Variants in CCDC7 observed in about 807,000 individuals in gnomAD.
The protein encoded by CCDC7 is coiled-coil domain-containing protein 7.
In CCDC7, 183 loss-of-function variants were observed where a neutral mutation model predicts 196.9. The observed-to-expected ratio is 0.93, with a 90% CI of 0.82 to 1.05. The LOEUF is 1.05. Among genes scored for constraint, CCDC7 ranks in the 50% least tolerant of loss-of-function variants. The pLI, the probability that CCDC7 is intolerant of heterozygous loss-of-function variation, is 0.00. For missense variants in CCDC7, 1,540 were observed against 1,482.2 expected, an observed-to-expected ratio of 1.04 and a Z score of -0.64; for synonymous variants, 525 against 484.6, an observed-to-expected ratio of 1.08 and a Z score of -1.10.
chr10:32,544,026 A>G (rs2051980187), intron 12 of CCDC7, among the ~76,000 whole-genome samples: 1 of 152,084 alleles, frequency 6.6e-6, no homozygotes, highest in East Asian at 1.9e-4. Flanking sequence ...TTTGACTATC[A>G]GTCTTTTCAC....
intron 29 of CCDC7, among the ~76,000 whole-genome samples, chr10:32,784,029 T>A (rs2081430613): frequency 6.6e-6 from 1 of 152,124 alleles, no homozygotes; most frequent in South Asian, 2.1e-4. Flanking sequence ...AGAGTTTGAG[T>A]TTAGAAAGGT....
At chr10:32,704,427 G>A (rs2141653826) in intron 24 of CCDC7, among the ~76,000 whole-genome samples, 1 of 152,210 alleles carries the variant, frequency 6.6e-6, no homozygotes, top group African/African-American at 2.4e-5. Flanking sequence ...CTACTGGGGG[G>A]TGCCTCCCAT....
intron 9 of CCDC7, among the ~76,000 whole-genome samples, chr10:32,510,672 C>T (rs537828403): frequency 2.0e-5 from 3 of 151,890 alleles, no homozygotes; most frequent in Non-Finnish European, 4.4e-5. Flanking sequence ...GTCATCATGC[C>T]AAAATTCATC....
At chr10:32,808,288 A>G (rs1380284996) in intron 30 of CCDC7, among the ~76,000 whole-genome samples, 1 of 152,082 alleles carries the variant, frequency 6.6e-6, no homozygotes, top group East Asian at 1.9e-4. Context: ...TTGCCCCATC[A>G]GTTGCCCTGA....
At chr10:32,791,251 A>C (rs1565513551) in intron 29 of CCDC7, among the ~76,000 whole-genome samples, 1 of 152,076 alleles carries the variant, frequency 6.6e-6, no homozygotes, top group Non-Finnish European at 1.5e-5. Context: ...TCTTTTTCAA[A>C]AAAAAAAGCC....
chr10:32,488,706 G>A (rs1276489217), intron 8 of CCDC7, among the ~76,000 whole-genome samples: 1 of 152,148 alleles, frequency 6.6e-6, no homozygotes, highest in Non-Finnish European at 1.5e-5. Flanking sequence ...TTTTGTTCGT[G>A]TATTGTTTTT....
chr10:32,506,150 C>T (rs1483249759), intron 9 of CCDC7, among the ~76,000 whole-genome samples: 7 of 142,386 alleles, frequency 4.9e-5, no homozygotes, highest in Non-Finnish European at 7.6e-5. Flanking sequence ...TCGGGGCAGC[C>T]GGGCAGAGGC....
intron 28 of CCDC7, among the ~76,000 whole-genome samples, chr10:32,757,774 G>C (rs1056330829): frequency 1.3e-5 from 2 of 152,104 alleles, no homozygotes; most frequent in Non-Finnish European, 2.9e-5. Flanking sequence ...GAAGGAGATA[G>C]AGACAGAAAA....
intron 5 of CCDC7, among the ~76,000 whole-genome samples, chr10:32,467,546 A>G (rs2037094190): frequency 6.6e-6 from 1 of 151,800 alleles, no homozygotes; most frequent in Non-Finnish European, 1.5e-5. Flanking sequence ...TTGCCTGTTT[A>G]CTCTGTTGGT....
At chr10:32,807,265 A>G (rs537390580) in intron 30 of CCDC7, among the ~76,000 whole-genome samples, 105 of 152,308 alleles carry the variant, frequency 6.9e-4, no homozygotes, top group African/African-American at 2.4e-3. Context: ...CTCTTAATTG[A>G]TATAAAATGC....
At chr10:32,751,495 G>A (rs2075649103) in intron 28 of CCDC7, among the ~76,000 whole-genome samples, 1 of 152,102 alleles carries the variant, frequency 6.6e-6, no homozygotes, top group African/African-American at 2.4e-5. Flanking sequence ...CATGGAGCTT[G>A]CTTAATGAAA....
At chr10:32,586,965 G>A (rs1026201523) in intron 18 of CCDC7, among the ~76,000 whole-genome samples, 3 of 152,168 alleles carry the variant, frequency 2.0e-5, no homozygotes, top group Admixed American at 2.0e-4. Flanking sequence ...TCCATTGTCT[G>A]AGCTAAATAT....
intron 29 of CCDC7, among the ~76,000 whole-genome samples, chr10:32,804,276 T>C (rs2085372980): frequency 6.6e-6 from 1 of 152,144 alleles, no homozygotes; most frequent in African/African-American, 2.4e-5. Context: ...TTATTAAACA[T>C]GGTTAGACTA....
intron 15 of CCDC7, among the ~76,000 whole-genome samples, 183 bp from the exon 17 acceptor site, chr10:32,571,676 C>T (rs949991450): frequency 8.6e-5 from 13 of 151,892 alleles, no homozygotes; most frequent in African/African-American, 2.4e-4. Flanking sequence ...ATTTTAGGGC[C>T]TACTCTCCTT....
At position 32,822,017 on chromosome 10, in the gene CCDC7, C is replaced by A. The variant is rs141497025; in HGVS notation, c.3182-2501C>A. Among the ~76,000 whole-genome samples the A allele has an allele frequency of 6.0e-3, 899 of 150,812 alleles. 9 individuals are homozygous for A. Among genetic ancestry groups the A allele is most frequent in the African/African-American group, 0.021 (857 of 41,166 alleles). ...AAAGTGCTGAAAAAAAAAAATCTAC[C>A]AACCAATAATTTTATTGCTAGCAAA... On this transcript the variant is annotated intron_variant, in intron 31 of 41. Coordinates refer to ENST00000639629, the Ensembl canonical transcript of CCDC7.
Position 32,860,248 on chromosome 10 carries a change from G to C in CCDC7, c.4111+5759G>C, listed in dbSNP as rs1385018261. On this transcript the variant is annotated intron_variant, in intron 41 of 41. Transcript: ENST00000639629. ...GCCGGCTTCATCCCTGGGATGCAAG[G>C]CTGGTTCAGCATACACAAATGAATA... 4.6e-5 allele frequency among the ~76,000 whole-genome samples: 7 copies of C among 152,174 alleles called. No individual in the cohort carries two copies. The East Asian group carries it at 1.2e-3, about 25-fold the overall frequency.
At chr10:32,859,564 A>T (rs1247900250) in intron 41 of CCDC7, among the ~76,000 whole-genome samples, 3 of 152,208 alleles carry the variant, frequency 2.0e-5, no homozygotes. Flanking sequence ...GAAATAACTA[A>T]GATCAGAGCA....
intron 29 of CCDC7, among the ~76,000 whole-genome samples, chr10:32,784,719 G>T (rs774815499): frequency 6.6e-6 from 1 of 151,874 alleles, no homozygotes; most frequent in South Asian, 2.1e-4. Context: ...CTACAGACAC[G>T]TGCTGGGCGC....
exon 19 of CCDC7, chr10:32,634,363 G>A: frequency 9.1e-7 from 1 of 1,094,436 alleles, no homozygotes; most frequent in East Asian, 3.2e-5. Flanking sequence ...AAAGACATGA[G>A]GGTAAGTATA....
Sources: gnomAD v4.1 joint callset for allele counts (sites outside exome capture counted in the v4.1 genomes callset) on GRCh38, gnomAD v4.1.1 for gene constraint, MANE v1.5 for transcripts, NCBI Gene and HGNC (gene_info 2026-07-23, HGNC 2026-07-21) for gene names.